The following PLA2G10 variants were observed in gnomAD, a reference collection of about 807,000 sequenced individuals.
The protein encoded by PLA2G10 is phospholipase A2 group X.
A neutral mutation model predicts 7.9 loss-of-function variants in PLA2G10; 9 were observed. The ratio of observed to expected loss-of-function variants is 1.14; its 90% CI spans 0.68 to 1.98. PLA2G10 has a LOEUF of 1.98. Ranked by LOEUF, PLA2G10 falls within the 30% of genes most tolerant of loss-of-function variation. The pLI is 0.00. For missense variants in PLA2G10, 53 were observed against 65.4 expected, an observed-to-expected ratio of 0.81 and a Z score of 0.66; for synonymous variants, 19 against 27.5, an observed-to-expected ratio of 0.69 and a Z score of 0.97.
At chr16:14,683,915 C>T (rs1384682333) in intron 3 of PLA2G10, among the ~76,000 whole-genome samples, 3 of 152,064 alleles carry the variant, frequency 2.0e-5, no homozygotes, top group South Asian at 2.1e-4. Flanking sequence ...AATCACATAT[C>T]GGGTAAGAGT....
Position 14,672,743 on chromosome 16 carries a change from G to A in PLA2G10, c.362C>T (p.Ala121Val). 6.2e-7 allele frequency: 1 copy of A among 1,613,840 alleles called. No individual in the cohort carries two copies. The highest frequency in any genetic ancestry group is 8.5e-7 in the Non-Finnish European group (1 of 1,179,862). ...CVNQSVLCGP[A>V]ENKCQELLCK... Reference sequence around the variant, plus strand: ...CAACAGTTCTTGGCATTTGTTCTCTGCCGGTCCTGGAAGAAGTGGGGAAAC... The same window carrying A: ...CAACAGTTCTTGGCATTTGTTCTCTACCGGTCCTGGAAGAAGTGGGGAAAC... Residue 121 changes from alanine to valine, a missense_variant, in exon 4 of 4, where the codon GCA becomes GTA. Ala to Val is a moderately conservative substitution (Grantham distance 64, BLOSUM62 0). This residue lies in a region of PLA2G10 where 5 missense variants were observed against 18.4 expected (regional missense o/e 0.27). Coordinates refer to ENST00000438167, the MANE Select transcript of PLA2G10 (RefSeq NM_003561.3).
chr16:14,687,567 C>G (rs1175772132), intron 3 of PLA2G10, among the ~76,000 whole-genome samples: 14 of 152,010 alleles, frequency 9.2e-5, no homozygotes, highest in Non-Finnish European at 1.5e-4. Flanking sequence ...TTCTGGTCCC[C>G]ACCCCCAGCC....
At chr16:14,673,011 C>A (rs201223260) in intron 3 of PLA2G10, among the ~76,000 whole-genome samples, 6 of 142,720 alleles carry the variant, frequency 4.2e-5, no homozygotes, top group Non-Finnish European at 7.7e-5. Context: ...TTTCTTTTTT[C>A]TTTTCTTTTT....
chr16:14,675,436 C>A (rs1034572083), intron 3 of PLA2G10, among the ~76,000 whole-genome samples: 37 of 151,900 alleles, frequency 2.4e-4, no homozygotes, highest in African/African-American at 8.9e-4. Flanking sequence ...GACTAAGACC[C>A]CAAAAGCAAA....
intron 3 of PLA2G10, among the ~76,000 whole-genome samples, chr16:14,680,946 G>C (rs1040003536): frequency 6.6e-6 from 1 of 151,988 alleles, no homozygotes; most frequent in Non-Finnish European, 1.5e-5. Context: ...CAGATCCCTT[G>C]AGGTCAGGAG....
chr16:14,685,988 TC>T (rs1223202566), intron 3 of PLA2G10, among the ~76,000 whole-genome samples: 1 of 129,800 alleles, frequency 7.7e-6, no homozygotes, highest in East Asian at 2.1e-4. Flanking sequence ...TTTTCTTTAC[TC>T]TTTTTTTTTT....
At chr16:14,681,429 TCTTA>T (rs955544442) in intron 3 of PLA2G10, among the ~76,000 whole-genome samples, 148 of 152,100 alleles carry the variant, frequency 9.7e-4, no homozygotes, top group African/African-American at 3.5e-3. Context: ...CTGCTTGTCC[TCTTA>T]CTTTTCTCCT....
chr16:14,693,372 C>T (rs1961188351), intron 1 of PLA2G10, among the ~76,000 whole-genome samples: 1 of 26,166 alleles, frequency 3.8e-5, no homozygotes, highest in Admixed American at 4.3e-4. Context: ...CTGAATTGTC[C>T]TGAGTGCTGT....
intron 3 of PLA2G10, chr16:14,678,802 C>G: frequency 2.8e-6 from 1 of 351,586 alleles, no homozygotes; most frequent in Non-Finnish European, 5.7e-6. Flanking sequence ...CATGTCCCTC[C>G]CCTGCTCAAA....
chr16:14,677,853 AGATG>A (rs66604338), intron 3 of PLA2G10, among the ~76,000 whole-genome samples: 58,960 of 145,854 alleles, frequency 0.4, 14,629 homozygotes, highest in African/African-American at 0.72. Context: ...ATGGATGGAT[AGATG>A]GATGGATGGA....
chr16:14,685,159 G>A (rs1324962428), intron 3 of PLA2G10, among the ~76,000 whole-genome samples: 3 of 152,032 alleles, frequency 2.0e-5, no homozygotes, highest in African/African-American at 4.8e-5. Flanking sequence ...ATCACTTGAG[G>A]TCAGGAGTTC....
intron 3 of PLA2G10, among the ~76,000 whole-genome samples, chr16:14,676,760 CAGCAACTTGGATGAAGCTGGATGA>C (rs1472032226): frequency 1.3e-5 from 2 of 152,162 alleles, no homozygotes; most frequent in Admixed American, 6.6e-5. Flanking sequence ...ATGTTTTCTG[CAGCAACTTGGATGAAGCTGGATGA>C]AGCAACTTGG....
chr16:14,676,089 T>C (rs1960719049), intron 3 of PLA2G10, among the ~76,000 whole-genome samples: 1 of 152,184 alleles, frequency 6.6e-6, no homozygotes, highest in Admixed American at 6.6e-5. Context: ...CCAGCCAGAA[T>C]GGCCATTATT....
At chr16:14,685,677 T>A (rs1961036164) in intron 3 of PLA2G10, among the ~76,000 whole-genome samples, 1 of 152,106 alleles carries the variant, frequency 6.6e-6, no homozygotes, top group African/African-American at 2.4e-5. Context: ...AATTTTGTGT[T>A]ATGTCTATTT....
intron 3 of PLA2G10, among the ~76,000 whole-genome samples, chr16:14,686,723 G>A (rs1241105268): frequency 6.6e-6 from 1 of 152,014 alleles, no homozygotes; most frequent in Non-Finnish European, 1.5e-5. Context: ...TCAAACTCCT[G>A]GCCTCAAGTG....
intron 3 of PLA2G10, among the ~76,000 whole-genome samples, chr16:14,687,552 C>A (rs1314957645): frequency 1.3e-5 from 2 of 152,064 alleles, no homozygotes; most frequent in Non-Finnish European, 2.9e-5. Flanking sequence ...CTCAAGCGAT[C>A]CTCCTTCTGG....
intron 3 of PLA2G10, among the ~76,000 whole-genome samples, chr16:14,685,970 G>A (rs945292123): frequency 6.8e-6 from 1 of 146,964 alleles, no homozygotes; most frequent in Non-Finnish European, 1.5e-5. Context: ...ACCACGCCCA[G>A]CCTCTTTTTT....
chr16:14,686,248 G>C (rs1283278813), intron 3 of PLA2G10, among the ~76,000 whole-genome samples: 1 of 151,506 alleles, frequency 6.6e-6, no homozygotes, highest in Non-Finnish European at 1.5e-5. Flanking sequence ...CCCGTCTTGA[G>C]ATTACAGGAG....
At chr16:14,682,512 G>A (rs1419814362) in intron 3 of PLA2G10, among the ~76,000 whole-genome samples, 1 of 152,092 alleles carries the variant, frequency 6.6e-6, no homozygotes, top group Non-Finnish European at 1.5e-5. Context: ...GAGGCAGTGA[G>A]TTGCAGTGAG....
Sources: allele counts gnomAD v4.1 joint callset (sites outside exome capture counted in the v4.1 genomes callset), GRCh38; gene constraint gnomAD v4.1.1; regional missense constraint gnomAD v4.1.1; transcripts MANE v1.5; gene names NCBI Gene and HGNC (gene_info 2026-07-23, HGNC 2026-07-21).